Variants in CNKSR3 observed in about 807,000 individuals in gnomAD.
CNKSR3 encodes connector enhancer of kinase suppressor of ras 3.
Under a neutral mutation model 67.7 loss-of-function variants are expected in CNKSR3, and 36 were observed. The ratio of observed to expected loss-of-function variants is 0.53; its 90% CI spans 0.41 to 0.70. The LOEUF is 0.70. CNKSR3 is among the 30% of genes least tolerant of loss of function. The pLI, the probability that CNKSR3 is intolerant of heterozygous loss-of-function variation, is 0.00. For missense variants in CNKSR3, 630 were observed against 695.2 expected (o/e 0.91, Z 1.05); for synonymous variants, 281 against 271.4 (o/e 1.04, Z -0.35).
At chr6:154,474,848 A>G (rs1236633701) in intron 1 of CNKSR3, among the ~76,000 whole-genome samples, 2 of 152,174 alleles carry the variant, frequency 1.3e-5, no homozygotes, top group Admixed American at 1.3e-4. Flanking sequence ...AAGTGTGGGA[A>G]GAAGATGAGG....
In CNKSR3 at chr6:154,406,570, G is replaced by A. The variant is rs1784796216; in HGVS notation, c.1452C>T (p.Phe484=). Residue 484 remains phenylalanine, a synonymous_variant, in exon 13 of 13, where the codon TTC becomes TTT. Transcript: ENST00000607772. ...GATGCCGCTCGGTCGTGGGTCTGGA[G>A]AACCGGTATGGGGGAGAGGAGCTCT... ...IEESSSPPYR[F]SRPTTERHLV... 2 of 1,614,082 alleles carry A rather than the reference G, an allele frequency of 1.2e-6. No homozygotes were observed. Among genetic ancestry groups the A allele is most frequent in the African/African-American group, 1.3e-5 (1 of 74,944 alleles).
chr6:154,480,464 G>A (rs758747309), intron 1 of CNKSR3, among the ~76,000 whole-genome samples: 8 of 152,200 alleles, frequency 5.3e-5, no homozygotes, highest in Non-Finnish European at 1.0e-4. Flanking sequence ...CCGCAGGCAG[G>A]CAGGTAAAGC....
chr6:154,501,764 G>A (rs908310015), intron 1 of CNKSR3, among the ~76,000 whole-genome samples: 29 of 152,090 alleles, frequency 1.9e-4, no homozygotes, highest in Non-Finnish European at 8.8e-5. Context: ...TCTGTTTTGT[G>A]GTTGGTGGTG....
intron 1 of CNKSR3, among the ~76,000 whole-genome samples, chr6:154,480,256 T>C (rs1786539046): frequency 6.6e-6 from 1 of 152,234 alleles, no homozygotes; most frequent in South Asian, 2.1e-4. Context: ...GTTTCATTAA[T>C]GCTCATAACA....
chr6:154,441,245 A>G (rs1785575587), intron 4 of CNKSR3, 47 bp downstream of exon 4: 3 of 175,186 alleles, frequency 1.7e-5, no homozygotes, highest in South Asian at 2.9e-4. Context: ...GGAAAAGCAA[A>G]AAAAAAAAAA....
chr6:154,415,227 C>CTTTTTTTTTTTTTTTTTTTTTTT lies in CNKSR3; in HGVS notation c.946-805_946-804insAAAAAAAAAAAAAAAAAAAAAAA, dbSNP rs773533317. Among the ~76,000 whole-genome samples, 96 of 112,756 alleles carry CTTTTTTTTTTTTTTTTTTTTTTT rather than the reference C, an allele frequency of 8.5e-4. 13 individuals carry two copies. Among genetic ancestry groups the CTTTTTTTTTTTTTTTTTTTTTTT allele is most frequent in the African/African-American group, 1.5e-3 (41 of 26,824 alleles). 74.0% of individuals were successfully genotyped at this position (112,756 alleles called of 152,430 possible). ...ATCCTGGCTAGACTTACTAGCTGCC[C>CTTTTTTTTTTTTTTTTTTTTTTT]ATTTTTTTTTTTTTTTTTTTTAAGA... On this transcript the variant is annotated intron_variant, in intron 9 of 12. Coordinates refer to ENST00000607772, the MANE Select transcript of CNKSR3 (RefSeq NM_173515.4).
intron 1 of CNKSR3, among the ~76,000 whole-genome samples, chr6:154,508,520 T>C (rs191072780): frequency 6.6e-6 from 1 of 152,248 alleles, no homozygotes; most frequent in East Asian, 1.9e-4. Context: ...ACAGATAAAA[T>C]ACATATCAAC....
intron 1 of CNKSR3, among the ~76,000 whole-genome samples, chr6:154,492,479 A>C (rs1006232853): frequency 1.3e-5 from 2 of 152,204 alleles, no homozygotes; most frequent in African/African-American, 4.8e-5. Context: ...CAAAATTAAA[A>C]GCCAGATCTT....
chr6:154,411,633 CAAAAAAAAAAAA>C (rs57943019), intron 10 of CNKSR3, among the ~76,000 whole-genome samples: 7 of 103,368 alleles, frequency 6.8e-5, no homozygotes, highest in African/African-American at 2.2e-4. Context: ...GACTCCATCT[CAAAAAAAAAAAA>C]AAAAAAAAAG....
chr6:154,447,198 A>C (rs1582868186), intron 2 of CNKSR3, among the ~76,000 whole-genome samples: 1 of 152,160 alleles, frequency 6.6e-6, no homozygotes, highest in East Asian at 1.9e-4. Flanking sequence ...TGGCCAACAG[A>C]ACTCTATGCA....
chr6:154,427,316 C>A (rs1352294636), intron 7 of CNKSR3, among the ~76,000 whole-genome samples: 2 of 152,176 alleles, frequency 1.3e-5, no homozygotes, highest in Non-Finnish European at 2.9e-5. Flanking sequence ...ATTAGAAAAG[C>A]AGCTACTAAA....
chr6:154,414,932 C>T (rs191160265), intron 9 of CNKSR3, among the ~76,000 whole-genome samples: 57 of 151,196 alleles, frequency 3.8e-4, no homozygotes, highest in Non-Finnish European at 6.8e-4. Context: ...CCAGTCCCTA[C>T]GAAAAAAATA....
chr6:154,493,566 G>A (rs953849340), intron 1 of CNKSR3, among the ~76,000 whole-genome samples: 1 of 152,176 alleles, frequency 6.6e-6, no homozygotes, highest in South Asian at 2.1e-4. Flanking sequence ...TGGGTGAGGG[G>A]AGTTGGAGTT....
chr6:154,448,444 A>AG (rs1243255891), intron 2 of CNKSR3, among the ~76,000 whole-genome samples: 1 of 151,500 alleles, frequency 6.6e-6, no homozygotes, highest in African/African-American at 2.4e-5. Flanking sequence ...CAAAAAAAAA[A>AG]AAAAAAGAAA....
intron 1 of CNKSR3, among the ~76,000 whole-genome samples, chr6:154,454,767 C>T (rs1311560444): frequency 2.0e-5 from 3 of 151,832 alleles, no homozygotes; most frequent in Admixed American, 2.0e-4. Context: ...AGCTGTTCTC[C>T]TGCCTTAGCC....
intron 1 of CNKSR3, among the ~76,000 whole-genome samples, chr6:154,504,459 G>C (rs766157356): frequency 5.3e-5 from 8 of 152,188 alleles, no homozygotes; most frequent in South Asian, 2.1e-4. Context: ...AATGTATGGA[G>C]AGCTTACATA....
chr6:154,442,561 G>T (rs1251326794), intron 2 of CNKSR3, among the ~76,000 whole-genome samples: 1 of 152,162 alleles, frequency 6.6e-6, no homozygotes, highest in Non-Finnish European at 1.5e-5. Context: ...GGCAGAGCTT[G>T]CAGTGAGCCG....
intron 1 of CNKSR3, among the ~76,000 whole-genome samples, chr6:154,453,658 A>G (rs1785887046): frequency 6.6e-6 from 1 of 152,346 alleles, no homozygotes; most frequent in East Asian, 1.9e-4. Context: ...CCAATACATT[A>G]TGACCTATTG....
intron 1 of CNKSR3, among the ~76,000 whole-genome samples, chr6:154,461,473 A>C (rs552268147): frequency 6.6e-6 from 1 of 152,228 alleles, no homozygotes; most frequent in Non-Finnish European, 1.5e-5. Context: ...TGCACCAACT[A>C]TACAGGCCAG....
Sources: gnomAD v4.1 joint callset for allele counts (sites outside exome capture counted in the v4.1 genomes callset) on GRCh38, gnomAD v4.1.1 for gene constraint, MANE v1.5 for transcripts, NCBI Gene and HGNC (gene_info 2026-07-23, HGNC 2026-07-21) for gene names.